VAT1L: variants seen among roughly 807,000 people sequenced by gnomAD.
VAT1L encodes putative NADPH-dependent quinone oxidoreductase VAT1L.
VAT1L carries 34 observed loss-of-function variants against 44.1 expected under a neutral mutation model. That is an observed-to-expected ratio of 0.77 (90% CI 0.59 to 1.03). The LOEUF is 1.03. Ranked by LOEUF, VAT1L falls within the 50% of genes least tolerant of loss-of-function variation. VAT1L has a pLI of 0.00. For synonymous variants in VAT1L, 253 were observed against 202.2 expected (o/e 1.25, Z -2.13); for missense variants, 615 against 538.8 (o/e 1.14, Z -1.40).
chr16:77,848,057 C>T (rs1049288601), intron 3 of VAT1L, among the ~76,000 whole-genome samples: 3 of 152,112 alleles, frequency 2.0e-5, no homozygotes, highest in Non-Finnish European at 4.4e-5. Context: ...AGAAGATCCA[C>T]GGTGCAGGAA....
chr16:77,835,741 T>C (rs536862619), intron 3 of VAT1L, among the ~76,000 whole-genome samples: 12 of 152,012 alleles, frequency 7.9e-5, no homozygotes, highest in African/African-American at 1.9e-4. Context: ...GGCGTGGTGG[T>C]GGATGCCTGT....
rs112332770 is a variant in VAT1L, at chr16:77,835,594, T to G, written c.579+10133T>G. Among the ~76,000 whole-genome samples, 463 of 152,220 alleles carry G rather than the reference T, an allele frequency of 3.0e-3. 3 individuals carry two copies. Among genetic ancestry groups the G allele is most frequent in the African/African-American group, 0.011 (451 of 41,514 alleles). On this transcript the variant is annotated intron_variant, in intron 3 of 8. Transcript: ENST00000302536. The stretch of plus-strand genomic sequence containing the variant: ...ACTCTTCAAACATGCTGTTCATGGC[T>G]GGGTGTGGTCGCTCACACCTGTAAT...
intron 7 of VAT1L, among the ~76,000 whole-genome samples, chr16:77,950,641 A>G (rs192515005): frequency 6.6e-6 from 1 of 152,278 alleles, no homozygotes; most frequent in East Asian, 1.9e-4. Context: ...ATCTTCAGGG[A>G]TGTTCTGTGT....
At chr16:77,949,150 T>C (rs973776661) in intron 7 of VAT1L, among the ~76,000 whole-genome samples, 5 of 151,980 alleles carry the variant, frequency 3.3e-5, no homozygotes, top group African/African-American at 9.7e-5. Context: ...AAGAATACTG[T>C]AGGGAGATGA....
intron 7 of VAT1L, among the ~76,000 whole-genome samples, chr16:77,939,074 A>G (rs554537977): frequency 6.6e-6 from 1 of 152,252 alleles, no homozygotes; most frequent in African/African-American, 2.4e-5. Context: ...CCTGATTCTC[A>G]GTGCTCTGTT....
intron 1 of VAT1L, among the ~76,000 whole-genome samples, chr16:77,805,865 C>CTTTTTTTTTTTGTTTTTTTTTTTTTTT (rs2016147655): frequency 1.3e-5 from 1 of 78,838 alleles, no homozygotes; most frequent in Non-Finnish European, 2.8e-5. Context: ...TAGTCTCTGC[C>CTTTTTTTTTTTGTTTTTTTTTTTTTTT]TTTTTTTTTT....
At chr16:77,812,164 C>T (rs2016276489) in intron 1 of VAT1L, among the ~76,000 whole-genome samples, 1 of 151,568 alleles carries the variant, frequency 6.6e-6, no homozygotes, top group South Asian at 2.1e-4. Context: ...TCACTGCCTT[C>T]CAAGTTTAAG....
chr16:77,802,707 C>A (rs2016086123), intron 1 of VAT1L, among the ~76,000 whole-genome samples: 1 of 151,604 alleles, frequency 6.6e-6, no homozygotes, highest in Non-Finnish European at 1.5e-5. Flanking sequence ...CAAAACTTCT[C>A]AAACATTTTC....
intron 4 of VAT1L, among the ~76,000 whole-genome samples, chr16:77,867,868 A>AG (rs1261580938): frequency 3.9e-5 from 6 of 151,912 alleles, no homozygotes; most frequent in East Asian, 3.9e-4. Flanking sequence ...AAAAAAAAAA[A>AG]AAAGAAAGAA....
chr16:77,936,541 T>C (rs2142507222), intron 7 of VAT1L, among the ~76,000 whole-genome samples: 1 of 152,278 alleles, frequency 6.6e-6, no homozygotes, highest in African/African-American at 2.4e-5. Flanking sequence ...AAATGTAGGC[T>C]TGCAGACGAT....
rs2142461601 is a variant in VAT1L, at chr16:77,884,847, C to G, written c.1077+45C>G. ...TCTGCAAATAAACTCCTCTTTTTAACTCAGGAAGGTTTGGGCAGCCAAATA... is the reference window on the plus strand; with the variant it reads ...TCTGCAAATAAACTCCTCTTTTTAAGTCAGGAAGGTTTGGGCAGCCAAATA... On this transcript the variant is annotated intron_variant, in intron 7 of 8. Transcript: ENST00000302536. This position sits in a 1 kb window ranked among gnomAD's most constrained non-coding sequence, Gnocchi z 4.5. 7.7e-6 allele frequency: 11 copies of G among 1,426,818 alleles called. No individual in the cohort carries two copies. The South Asian group carries it at 1.6e-4, about 20-fold the overall frequency. The allele number at this position is 1,426,818 out of a possible 1,614,324, so 88.4% of individuals were successfully genotyped here.
chr16:77,975,858 G>A (rs575330885), intron 8 of VAT1L, among the ~76,000 whole-genome samples: 4 of 152,216 alleles, frequency 2.6e-5, no homozygotes, highest in African/African-American at 7.2e-5. Context: ...GTGCCCCAGA[G>A]AATAGAGGTG....
At chr16:77,867,556 G>T (rs370875597) in intron 4 of VAT1L, among the ~76,000 whole-genome samples, 1 of 152,032 alleles carries the variant, frequency 6.6e-6, no homozygotes, top group Non-Finnish European at 1.5e-5. Flanking sequence ...AAAATATCAT[G>T]AGTCAAAAAT....
intron 7 of VAT1L, among the ~76,000 whole-genome samples, chr16:77,924,868 A>G (rs1334040438): frequency 2.0e-5 from 3 of 152,156 alleles, no homozygotes; most frequent in Non-Finnish European, 4.4e-5. Context: ...AAATTACCTA[A>G]GCCCTGGGTA....
intron 7 of VAT1L, among the ~76,000 whole-genome samples, chr16:77,900,865 GC>G: frequency 6.6e-6 from 1 of 152,044 alleles, no homozygotes; most frequent in East Asian, 1.9e-4. Flanking sequence ...CATTATAAAT[GC>G]CCCAAGTCTG....
intron 7 of VAT1L, among the ~76,000 whole-genome samples, chr16:77,903,734 CTTTTTTTT>C (rs552342074): frequency 8.0e-6 from 1 of 124,364 alleles, no homozygotes; most frequent in African/African-American, 3.0e-5. Context: ...TCTCTCATTA[CTTTTTTTT>C]TTTTTTTTTT....
At chr16:77,890,658 C>T (rs1052467582) in intron 7 of VAT1L, among the ~76,000 whole-genome samples, 1 of 152,098 alleles carries the variant, frequency 6.6e-6, no homozygotes, top group Non-Finnish European at 1.5e-5. Context: ...CGTGGTGGCT[C>T]ACACCTGTTA....
intron 7 of VAT1L, among the ~76,000 whole-genome samples, chr16:77,932,256 A>G (rs1020970777): frequency 6.6e-6 from 1 of 151,916 alleles, no homozygotes; most frequent in African/African-American, 2.4e-5. Context: ...GGCGCCCGCC[A>G]CCACAGCTGG....
chr16:77,865,897 T>C (rs937906138), intron 4 of VAT1L, among the ~76,000 whole-genome samples: 1 of 152,176 alleles, frequency 6.6e-6, no homozygotes, highest in African/African-American at 2.4e-5. Context: ...TTCCTCAGCA[T>C]CCTTCCCATC....
Sources: allele counts gnomAD v4.1 joint callset (sites outside exome capture counted in the v4.1 genomes callset), GRCh38; gene constraint gnomAD v4.1.1; non-coding constraint Gnocchi (gnomAD v3.1); transcripts MANE v1.5; gene names NCBI Gene and HGNC (gene_info 2026-07-23, HGNC 2026-07-21).